Variants in RNF13 observed in about 807,000 individuals in gnomAD.
The protein encoded by RNF13 is E3 ubiquitin-protein ligase RNF13.
RNF13 carries 19 observed loss-of-function variants against 37.7 expected under a neutral mutation model. The observed-to-expected ratio is 0.50, with a 90% confidence interval of 0.35 to 0.74. RNF13 has a LOEUF of 0.74. Among genes scored for constraint, RNF13 ranks in the 30% least tolerant of loss-of-function variants. The pLI is 0.01. For synonymous variants in RNF13, 144 were observed against 157.8 expected (o/e 0.91, Z 0.65); for missense variants, 375 against 453.0 (o/e 0.83, Z 1.56).
At chr3:149,910,445 A>G (rs1457653602) in intron 6 of RNF13, among the ~76,000 whole-genome samples, 5 of 152,116 alleles carry the variant, frequency 3.3e-5, no homozygotes, top group Non-Finnish European at 5.9e-5. Context: ...TATTGGGGTA[A>G]ATTCCTGGTA....
intron 4 of RNF13, among the ~76,000 whole-genome samples, chr3:149,887,329 A>G (rs1257566506): frequency 1.3e-5 from 2 of 152,236 alleles, no homozygotes; most frequent in African/African-American, 4.8e-5. Flanking sequence ...GAGCAACAGT[A>G]TAAATCATCT....
chr3:149,862,518 CATT>C (rs1436934320), intron 3 of RNF13, among the ~76,000 whole-genome samples: 3 of 152,008 alleles, frequency 2.0e-5, no homozygotes, highest in Non-Finnish European at 2.9e-5. Context: ...CATCTATAAA[CATT>C]GTGCTTCCAT....
At chr3:149,923,615 A>C (rs956144087) in intron 8 of RNF13, among the ~76,000 whole-genome samples, 1 of 151,890 alleles carries the variant, frequency 6.6e-6, no homozygotes, top group African/African-American at 2.4e-5. Context: ...AATACAAAAA[A>C]ATTAGCCGGG....
At chr3:149,952,639 G>A (rs3845911) in intron 8 of RNF13, among the ~76,000 whole-genome samples, 107,539 of 151,528 alleles carry the variant, frequency 0.71, 38,551 homozygotes, top group East Asian at 0.92. Context: ...CGCTCTTGTC[G>A]CCCAGGCTGG....
intron 8 of RNF13, among the ~76,000 whole-genome samples, chr3:149,936,646 G>T (rs1719714520): frequency 6.6e-6 from 1 of 151,814 alleles, no homozygotes; most frequent in East Asian, 1.9e-4. Flanking sequence ...AGTTCCCCAG[G>T]TTTCTCCAAA....
At chr3:149,935,418 G>T (rs1158484388) in intron 8 of RNF13, among the ~76,000 whole-genome samples, 1 of 151,846 alleles carries the variant, frequency 6.6e-6, no homozygotes, top group Non-Finnish European at 1.5e-5. Context: ...TTTGTTGTTT[G>T]TTTTCTGGTT....
At chr3:149,825,679 G>A (rs886295860) in intron 1 of RNF13, among the ~76,000 whole-genome samples, 73 of 152,284 alleles carry the variant, frequency 4.8e-4, no homozygotes, top group African/African-American at 1.8e-3. Flanking sequence ...CTGAATTTCA[G>A]CCTCAGGCTC....
chr3:149,860,697 T>C (rs192142887), intron 3 of RNF13, among the ~76,000 whole-genome samples: 179 of 152,224 alleles, frequency 1.2e-3, no homozygotes, highest in African/African-American at 4.0e-3. Flanking sequence ...TTCAGGGCAT[T>C]GAACTAGGCA....
intron 8 of RNF13, among the ~76,000 whole-genome samples, chr3:149,946,697 C>T (rs1720799335): frequency 6.6e-6 from 1 of 152,180 alleles, no homozygotes; most frequent in Non-Finnish European, 1.5e-5. Context: ...TCAGTCTTCT[C>T]TCCATTTTAG....
At chr3:149,919,415 C>T (rs1717897199) in intron 7 of RNF13, among the ~76,000 whole-genome samples, 1 of 152,156 alleles carries the variant, frequency 6.6e-6, no homozygotes, top group Non-Finnish European at 1.5e-5. Context: ...CTACCCTTCT[C>T]CATGCCCAGA....
At chr3:149,942,997 A>G (rs1327015310) in intron 8 of RNF13, among the ~76,000 whole-genome samples, 3 of 152,146 alleles carry the variant, frequency 2.0e-5, no homozygotes, top group Non-Finnish European at 2.9e-5. Context: ...ATTTATTTTC[A>G]TATGTTAAAC....
Position 149,960,796 on chromosome 3 carries a change from G to T in RNF13, c.838G>T (p.Val280Leu). The T allele has an allele frequency of 6.2e-7, 1 of 1,614,136 alleles. No homozygotes were observed. The highest frequency in any genetic ancestry group is 8.5e-7 in the Non-Finnish European group (1 of 1,180,022). Reference protein sequence around the residue: ...WLTKTKKTCPVCKQKVVPSQG... With the variant: ...WLTKTKKTCPLCKQKVVPSQG... ...AACTAAAACCAAAAAAACCTGTCCA[G>T]TGTGCAAGCAAAAAGTTGTTCCTTC... The change falls in exon 10 of 10, where the codon GTG (valine) becomes TTG (leucine). Residue 280 changes from valine (V) to leucine (L), a missense_variant. Coordinates refer to ENST00000392894, the MANE Select transcript of RNF13 (RefSeq NM_183381.3).
chr3:149,877,472 C>CTTTTTTTTTTTTTTTTTTTTGTGT (rs1712872255), intron 4 of RNF13, among the ~76,000 whole-genome samples: 1 of 101,486 alleles, frequency 9.9e-6, no homozygotes, highest in Non-Finnish European at 2.0e-5. Context: ...TTCTTTCTGT[C>CTTTTTTTTTTTTTTTTTTTTGTGT]TTTTTTTTTT....
In RNF13 at chr3:149,902,081, T is replaced by C; in HGVS notation, c.419T>C (p.Leu140Pro). Reference protein sequence around the residue: ...ISMGSNDIEVLKKIDIPSVFI... With the variant: ...ISMGSNDIEVPKKIDIPSVFI... ...TTATTCTTTTATACAGTTGAGGTAC[T>C]AAAGAAAATTGACATTCCATCTGTC... is the stretch of plus-strand genomic sequence containing the variant. The change falls in exon 6 of 10, where the codon CTA becomes CCA. Residue 140 changes from leucine (L) to proline (P), a missense_variant. Leu to Pro is a moderately conservative substitution (Grantham distance 98). Transcript: ENST00000392894. 7.0e-7 allele frequency: 1 copy of C among 1,432,794 alleles called. No homozygotes were observed. Among genetic ancestry groups the C allele is most frequent in the South Asian group, 1.4e-5 (1 of 72,308 alleles). 88.8% of individuals were successfully genotyped at this position (1,432,794 alleles called of 1,614,324 possible).
chr3:149,899,224 T>C (rs560797271), intron 5 of RNF13, among the ~76,000 whole-genome samples: 6 of 152,244 alleles, frequency 3.9e-5, no homozygotes, highest in African/African-American at 1.4e-4. Flanking sequence ...GGCGGGAGGA[T>C]TGCCTGAGCT....
At chr3:149,943,347 C>A (rs912114233) in intron 8 of RNF13, among the ~76,000 whole-genome samples, 1 of 151,924 alleles carries the variant, frequency 6.6e-6, no homozygotes, top group African/African-American at 2.4e-5. Context: ...CAATTATCAA[C>A]ATCCTGCACT....
At chr3:149,865,673 G>A (rs907323995) in intron 3 of RNF13, among the ~76,000 whole-genome samples, 3 of 151,950 alleles carry the variant, frequency 2.0e-5, no homozygotes, top group Admixed American at 1.3e-4. Context: ...GTATTTTTCT[G>A]TAAACAAAAA....
intron 6 of RNF13, among the ~76,000 whole-genome samples, chr3:149,909,633 C>T (rs377494937): frequency 6.6e-5 from 10 of 151,734 alleles, no homozygotes; most frequent in Non-Finnish European, 1.0e-4. Context: ...TATATCTTGA[C>T]GGTAAACTAA....
intron 8 of RNF13, among the ~76,000 whole-genome samples, chr3:149,931,763 C>T (rs1483534252): frequency 6.6e-6 from 1 of 152,220 alleles, no homozygotes; most frequent in East Asian, 1.9e-4. Context: ...ACTATAGTTG[C>T]CTTACCATAC....
Sources: allele counts gnomAD v4.1 joint callset (sites outside exome capture counted in the v4.1 genomes callset), GRCh38; gene constraint gnomAD v4.1.1; transcripts MANE v1.5; gene names NCBI Gene and HGNC (gene_info 2026-07-23, HGNC 2026-07-21).